Variants in NALCN observed in about 807,000 individuals in gnomAD.
NALCN encodes the protein sodium leak channel NALCN.
A neutral mutation model predicts 225.3 loss-of-function variants in NALCN; 111 were observed. The ratio of observed to expected loss-of-function variants is 0.49; its 90% CI spans 0.42 to 0.58. The LOEUF (loss-of-function observed/expected upper bound fraction) is 0.58, where lower values mean the gene tolerates loss of function less well. Ranked by LOEUF, NALCN falls within the 20% of genes least tolerant of loss-of-function variation. The pLI, the probability that NALCN is intolerant of heterozygous loss-of-function variation, is 0.00. For synonymous variants in NALCN, 764 were observed against 769.0 expected, an observed-to-expected ratio of 0.99 and a Z score of 0.11; for missense variants, 1,378 against 2,202.4, an observed-to-expected ratio of 0.63 and a Z score of 7.49.
intron 3 of NALCN, among the ~76,000 whole-genome samples, chr13:101,381,926 G>A (rs17487002): frequency 6.6e-6 from 1 of 151,846 alleles, no homozygotes; most frequent in African/African-American, 2.4e-5. Context: ...TTTTTAAAAA[G>A]GCAAAGAATT....
At chr13:101,358,306 G>A (rs956101462) in intron 6 of NALCN, among the ~76,000 whole-genome samples, 1 of 151,942 alleles carries the variant, frequency 6.6e-6, no homozygotes, top group African/African-American at 2.4e-5. Context: ...ATCTGACAAA[G>A]GTCTAATATC....
chr13:101,410,009 G>A (rs1185545634), intron 1 of NALCN, among the ~76,000 whole-genome samples: 4 of 152,122 alleles, frequency 2.6e-5, no homozygotes, highest in Admixed American at 1.3e-4. Context: ...TAAGAAGAAC[G>A]GAGGCAGCTG....
intron 11 of NALCN, among the ~76,000 whole-genome samples, chr13:101,248,459 A>G (rs2041966754): frequency 6.6e-6 from 1 of 152,106 alleles, no homozygotes; most frequent in East Asian, 1.9e-4. Context: ...ATTGATAGGT[A>G]TCTTTGTTAT....
chr13:101,245,024 G>A (rs1482157656), intron 11 of NALCN, among the ~76,000 whole-genome samples: 3 of 152,138 alleles, frequency 2.0e-5, no homozygotes, highest in Non-Finnish European at 4.4e-5. Flanking sequence ...AGTCACCTGT[G>A]CAGGTGTCCA....
intron 12 of NALCN, 109 bp downstream of exon 12, chr13:101,237,646 T>C (rs2041610530): frequency 6.3e-6 from 3 of 473,146 alleles, no homozygotes; most frequent in Non-Finnish European, 9.5e-6. Context: ...TAATAGTTAT[T>C]ATATATAAAT....
At chr13:101,350,990 T>A (rs1165499431) in intron 6 of NALCN, among the ~76,000 whole-genome samples, 3 of 152,190 alleles carry the variant, frequency 2.0e-5, no homozygotes, top group East Asian at 3.8e-4. Context: ...TATAGACATA[T>A]CTTTTGAGCT....
chr13:101,081,303 G>T (rs868153188), intron 34 of NALCN, among the ~76,000 whole-genome samples: 2 of 152,218 alleles, frequency 1.3e-5, no homozygotes, highest in South Asian at 4.1e-4. Context: ...CATCGTCTAG[G>T]TCTTTGAGGG....
Position 101,111,182 on chromosome 13 carries a change from T to G in NALCN, c.2237A>C (p.Gln746Pro), listed in dbSNP as rs1282164593. 1.9e-6 allele frequency: 3 copies of G among 1,608,828 alleles called. No individual in the cohort carries two copies. The highest frequency in any genetic ancestry group is 2.6e-6 in the Non-Finnish European group (3 of 1,176,258). ...GAGGATTGACCTCTCCTTTGCGGGC[T>G]GCCCCTCAAATGATCCGCTCAGCAT... ...QRMLSGSFEGQPAKERSILSV... is the reference protein window; with the variant it reads ...QRMLSGSFEGPPAKERSILSV... The change falls in exon 19 of 44, where the codon CAG becomes CCG. Residue 746 changes from glutamine to proline, a missense_variant. By Grantham distance (76) the Gln-to-Pro change is moderately conservative. This residue lies in a region of NALCN where 66 missense variants were observed against 85.7 expected (regional missense o/e 0.77). Transcript: ENST00000251127.
intron 41 of NALCN, among the ~76,000 whole-genome samples, chr13:101,060,901 A>C (rs2031874955): frequency 6.6e-6 from 1 of 152,200 alleles, no homozygotes; most frequent in African/African-American, 2.4e-5. Flanking sequence ...ATGGGACATC[A>C]CTGGGCAGCT....
At chr13:101,295,084 C>T (rs772987187) in intron 7 of NALCN, among the ~76,000 whole-genome samples, 4 of 152,098 alleles carry the variant, frequency 2.6e-5, no homozygotes, top group Non-Finnish European at 5.9e-5. Flanking sequence ...CCTCATGCAT[C>T]TGTTCATAGG....
chr13:101,283,189 G>A lies in NALCN; in HGVS notation c.1134+744C>T, dbSNP rs142870631. Among the ~76,000 whole-genome samples the A allele has an allele frequency of 2.1e-3, 318 of 152,194 alleles. 2 individuals carry two copies. The highest frequency in any genetic ancestry group is 7.3e-3 in the African/African-American group (304 of 41,516). On this transcript the variant is annotated intron_variant, in intron 10 of 43. Coordinates refer to ENST00000251127, the MANE Select transcript of NALCN (RefSeq NM_052867.4). ...AGTGAAAATATTATGGAAAGTTAGG[G>A]GTGCTGCTCTTGGTAAGGTGACATT... is the stretch of plus-strand genomic sequence containing the variant.
At chr13:101,339,318 A>G (rs1402517365) in intron 7 of NALCN, among the ~76,000 whole-genome samples, 1 of 152,176 alleles carries the variant, frequency 6.6e-6, no homozygotes, top group African/African-American at 2.4e-5. Context: ...GCGATTTTGC[A>G]AGATGTCCTT....
intron 3 of NALCN, among the ~76,000 whole-genome samples, chr13:101,379,097 A>T (rs2046775165): frequency 6.6e-6 from 1 of 152,190 alleles, no homozygotes; most frequent in South Asian, 2.1e-4. Context: ...CAAGCTGATT[A>T]AAAAGTGAAG....
rs868166673 is a variant in NALCN at position 101,259,749 on chromosome 13, T to C, written c.1135-1175A>G. ...TAGTAAGTGTATATATATATATATA[T>C]ATACACACACACATAAATATATATA... On this transcript the variant is annotated intron_variant, in intron 10 of 43. Coordinates refer to ENST00000251127, the MANE Select transcript of NALCN (RefSeq NM_052867.4). Among the ~76,000 whole-genome samples the C allele has an allele frequency of 8.2e-4, 58 of 70,690 alleles. 2 individuals are homozygous for C. Among genetic ancestry groups the C allele is most frequent in the African/African-American group, 1.8e-3 (55 of 30,716 alleles). 46.4% of individuals were successfully genotyped at this position (70,690 alleles called of 152,430 possible). A position where few individuals can be genotyped will look rare whatever the true frequency, so the allele number is the denominator to read the frequency against.
intron 12 of NALCN, among the ~76,000 whole-genome samples, chr13:101,237,352 C>T (rs2041599064): frequency 2.0e-5 from 3 of 151,888 alleles, no homozygotes. Context: ...TTAGCCTTAT[C>T]GACAAGGAAG....
intron 17 of NALCN, among the ~76,000 whole-genome samples, chr13:101,140,436 T>TG (rs2037017710): frequency 6.6e-6 from 1 of 152,210 alleles, no homozygotes; most frequent in Admixed American, 6.5e-5. Context: ...GTGTTTCCAG[T>TG]GGGGTAGTGT....
rs1041642401 is a variant in NALCN, at chr13:101,149,156, G to A, written c.1840-4260C>T. On this transcript the variant is annotated intron_variant, in intron 15 of 43. Transcript: ENST00000251127. Reference sequence around the variant, plus strand: ...AAAATACAAAAAATTAGCTGGGCGTGGTGGCAGGCGCCTGTAGTCCCAGCT... The same window carrying A: ...AAAATACAAAAAATTAGCTGGGCGTAGTGGCAGGCGCCTGTAGTCCCAGCT... 2.6e-5 allele frequency among the ~76,000 whole-genome samples: 4 copies of A among 152,234 alleles called. No homozygotes were observed. The East Asian group carries it at 5.8e-4, about 22-fold the overall frequency.
chr13:101,144,846 G>A lies in NALCN; in HGVS notation c.1890C>T (p.Arg630=). The A allele has an allele frequency of 6.2e-7, 1 of 1,613,494 alleles. No individual in the cohort carries two copies. Among genetic ancestry groups the A allele is most frequent in the Non-Finnish European group, 8.5e-7 (1 of 1,179,738 alleles). The change falls in exon 16 of 44, where the codon CGC becomes CGT. Residue 630 remains arginine, a synonymous_variant. Coordinates refer to ENST00000251127, the MANE Select transcript of NALCN (RefSeq NM_052867.4). ...TTGGAAATTTTTCAAAGATTCGCAG[G>A]CGTAAAGGGAGCTTTTCTTTGGTGT... ...NADTKEKLPL[R]LRIFEKFPNR... is the part of the protein sequence containing the mutation.
chr13:101,135,150 G>A (rs925639152), intron 17 of NALCN, among the ~76,000 whole-genome samples: 1 of 152,208 alleles, frequency 6.6e-6, no homozygotes, highest in Non-Finnish European at 1.5e-5. Context: ...AGCCGAGATC[G>A]TGCCGCTGCA....
Sources: gnomAD v4.1 joint callset for allele counts (sites outside exome capture counted in the v4.1 genomes callset) on GRCh38, gnomAD v4.1.1 for gene constraint, gnomAD v4.1.1 regional missense constraint, MANE v1.5 for transcripts, NCBI Gene and HGNC (gene_info 2026-07-23, HGNC 2026-07-21) for gene names.